Variants in PAX7 observed in about 807,000 individuals in gnomAD.
PAX7 encodes the protein paired box protein Pax-7.
PAX7 carries 18 observed loss-of-function variants against 50.7 expected under a neutral mutation model. That is an observed-to-expected ratio of 0.36 (90% CI 0.25 to 0.53). The LOEUF (loss-of-function observed/expected upper bound fraction) is 0.53, where lower values mean the gene tolerates loss of function less well. PAX7 is among the 20% of genes least tolerant of loss of function. The pLI is 0.93. For missense variants in PAX7, 644 were observed against 702.9 expected (o/e 0.92, Z 0.95); for synonymous variants, 310 against 290.4 (o/e 1.07, Z -0.69).
intron 4 of PAX7, among the ~76,000 whole-genome samples, chr1:18,691,080 C>T (rs1261662638): frequency 2.6e-5 from 4 of 152,270 alleles, no homozygotes; most frequent in Non-Finnish European, 4.4e-5. Context: ...AGGGCTCAAG[C>T]GATTCTCCCA....
intron 4 of PAX7, among the ~76,000 whole-genome samples, chr1:18,660,084 C>A (rs959137513): frequency 6.6e-5 from 10 of 152,088 alleles, no homozygotes; most frequent in African/African-American, 1.9e-4. Flanking sequence ...GTGGCTGGAG[C>A]CTGGGGTGTC....
At chr1:18,662,077 T>A (rs1454938497) in intron 4 of PAX7, among the ~76,000 whole-genome samples, 1 of 147,396 alleles carries the variant, frequency 6.8e-6, no homozygotes, top group African/African-American at 2.5e-5. Flanking sequence ...AGAGACCTGC[T>A]CTGGGGTTGG....
chr1:18,737,706 G>C (rs947202611), intron 8 of PAX7, among the ~76,000 whole-genome samples: 1 of 152,244 alleles, frequency 6.6e-6, no homozygotes, highest in African/African-American at 2.4e-5. Context: ...GTGCACATCT[G>C]TGTGTGTGAA....
At chr1:18,647,131 G>T (rs1279927150) in intron 4 of PAX7, among the ~76,000 whole-genome samples, 1 of 152,088 alleles carries the variant, frequency 6.6e-6, no homozygotes, top group African/African-American at 2.4e-5. Context: ...GGCGAGGGGA[G>T]CCGGGCCCTG....
intron 7 of PAX7, among the ~76,000 whole-genome samples, chr1:18,710,302 G>A (rs765957741): frequency 4.6e-5 from 7 of 152,150 alleles, no homozygotes; most frequent in Admixed American, 2.0e-4. Flanking sequence ...AGCAAGACAC[G>A]ACCAAGACAG....
At chr1:18,666,635 T>G (rs2088673556) in intron 4 of PAX7, among the ~76,000 whole-genome samples, 1 of 152,072 alleles carries the variant, frequency 6.6e-6, no homozygotes, top group Non-Finnish European at 1.5e-5. Flanking sequence ...GGGAAAGGGT[T>G]GATGGGGCCT....
At position 18,735,564 on chromosome 1, in the gene PAX7, G is replaced by C; in HGVS notation, c.1156-68G>C. 2 of 1,553,234 alleles carry C rather than the reference G, an allele frequency of 1.3e-6. No homozygotes were observed. The highest frequency in any genetic ancestry group is 1.7e-6 in the Non-Finnish European group (2 of 1,144,336). On this transcript the variant is annotated intron_variant, in intron 7 of 8. Transcript: ENST00000420770. The surrounding 1 kb of genome is among the most constrained non-coding windows in gnomAD (Gnocchi z 4.0). ...AGTGTTCCAGGGCCAGCCTGGCATTGTGCCCAGTGTGCTCGTGTCTCTGGG... is the reference window on the plus strand; with the variant it reads ...AGTGTTCCAGGGCCAGCCTGGCATTCTGCCCAGTGTGCTCGTGTCTCTGGG...
intron 7 of PAX7, among the ~76,000 whole-genome samples, chr1:18,712,853 G>T (rs376767191): frequency 6.6e-6 from 1 of 152,144 alleles, no homozygotes; most frequent in Admixed American, 6.5e-5. Context: ...AGGCTGAGGC[G>T]GGCGGATCGC....
chr1:18,709,171 C>T (rs559890954), intron 7 of PAX7, among the ~76,000 whole-genome samples: 6 of 152,154 alleles, frequency 3.9e-5, no homozygotes, highest in South Asian at 4.2e-4. Flanking sequence ...CCAGAGAGGG[C>T]CCAATCTCCC....
intron 4 of PAX7, 127 bp from the exon 5 acceptor site, chr1:18,691,627 A>G: frequency 1.4e-6 from 1 of 720,218 alleles, no homozygotes; most frequent in Non-Finnish European, 2.3e-6. Flanking sequence ...GCTTGGGAGG[A>G]GTCTGATCGA....
At chr1:18,638,426 A>G (rs1489007818) in intron 4 of PAX7, among the ~76,000 whole-genome samples, 1 of 152,218 alleles carries the variant, frequency 6.6e-6, no homozygotes. Flanking sequence ...AAGGGTTTAA[A>G]GTGGAGCCTG....
At chr1:18,736,001 G>T (rs1462996557) in intron 8 of PAX7, 123 bp downstream of exon 8, 3 of 1,607,300 alleles carry the variant, frequency 1.9e-6, no homozygotes, top group African/African-American at 1.3e-5. Context: ...TTCACAGATG[G>T]AAAAATTGAA....
At chr1:18,689,519 C>T (rs1400945864) in intron 4 of PAX7, among the ~76,000 whole-genome samples, 1 of 152,176 alleles carries the variant, frequency 6.6e-6, no homozygotes, top group Non-Finnish European at 1.5e-5. Context: ...AGGCAGGACT[C>T]CCTTGCAATC....
At chr1:18,669,955 G>A (rs1418732198) in intron 4 of PAX7, among the ~76,000 whole-genome samples, 5 of 151,888 alleles carry the variant, frequency 3.3e-5, no homozygotes, top group East Asian at 1.9e-4. Flanking sequence ...GTGGTGGCAC[G>A]TGCCTGTAGG....
Position 18,745,022 on chromosome 1 carries a change from C to T in PAX7, c.*93C>T, listed in dbSNP as rs1931374431. ...CCTTGCCGCCTCACCCCCCTGTTGT[C>T]CTAGGAGGCCAGGAAAGGAGCCCAC... On this transcript the variant is annotated 3_prime_UTR_variant, in exon 9 of 9. Transcript: ENST00000420770. 1 of 731,894 alleles carries T rather than the reference C, an allele frequency of 1.4e-6. No individual in the cohort carries two copies. The highest frequency in any genetic ancestry group is 2.6e-5 in the Admixed American group (1 of 38,444). The allele number at this position is 731,894 out of a possible 1,614,324, so 45.3% of individuals were successfully genotyped here.
At chr1:18,646,603 G>A (rs754778747) in intron 4 of PAX7, among the ~76,000 whole-genome samples, 3 of 152,130 alleles carry the variant, frequency 2.0e-5, no homozygotes, top group Non-Finnish European at 4.4e-5. Context: ...CCCCCTCCCC[G>A]CCGCCCTCTC....
chr1:18,640,485 G>A (rs1300271866), intron 4 of PAX7, among the ~76,000 whole-genome samples: 2 of 151,616 alleles, frequency 1.3e-5, no homozygotes, highest in African/African-American at 4.8e-5. Context: ...GGCGGGGGCG[G>A]AGAGGGACAG....
At chr1:18,727,317 A>G (rs2089584958) in intron 7 of PAX7, among the ~76,000 whole-genome samples, 1 of 151,660 alleles carries the variant, frequency 6.6e-6, no homozygotes, top group Non-Finnish European at 1.5e-5. Context: ...ACACATGCAC[A>G]CACAGTATTC....
intron 7 of PAX7, among the ~76,000 whole-genome samples, chr1:18,725,706 G>A (rs914515725): frequency 2.0e-5 from 3 of 152,150 alleles, no homozygotes; most frequent in African/African-American, 7.2e-5. Context: ...TTCCCCCCGA[G>A]CCTCGCCGCT....
Sources: gnomAD v4.1 joint callset for allele counts (sites outside exome capture counted in the v4.1 genomes callset) on GRCh38, gnomAD v4.1.1 for gene constraint, Gnocchi (gnomAD v3.1) non-coding constraint, MANE v1.5 for transcripts, NCBI Gene and HGNC (gene_info 2026-07-23, HGNC 2026-07-21) for gene names.